Variants in MGA observed in about 807,000 individuals in gnomAD.
The protein encoded by MGA is MAX gene-associated protein.
Under a neutral mutation model 261.1 loss-of-function variants are expected in MGA, and 40 were observed. That is an observed-to-expected ratio of 0.15 (90% CI 0.12 to 0.20). The LOEUF is 0.20. Among genes scored for constraint, MGA ranks in the 10% least tolerant of loss-of-function variants. MGA has a pLI of 1.00. For synonymous variants in MGA, 1,302 were observed against 1,290.6 expected (o/e 1.01, Z -0.19); for missense variants, 3,397 against 3,630.5 (o/e 0.94, Z 1.65).
At chr15:41,666,670 C>A (rs2057758052) in intron 1 of MGA, among the ~76,000 whole-genome samples, 1 of 152,172 alleles carries the variant, frequency 6.6e-6, no homozygotes, top group Non-Finnish European at 1.5e-5. Context: ...CTTGTAGATA[C>A]TTTTTGCATG....
chr15:41,765,348 G>A (rs1464757311), intron 23 of MGA, among the ~76,000 whole-genome samples: 1 of 152,320 alleles, frequency 6.6e-6, no homozygotes, highest in East Asian at 1.9e-4. Flanking sequence ...AATGATCATG[G>A]TCTTAGGTCT....
chr15:41,750,062 C>T lies in MGA; in HGVS notation c.6455C>T (p.Ser2152Phe), dbSNP rs1388992301. The T allele has an allele frequency of 6.2e-7, 1 of 1,613,360 alleles. No individual in the cohort carries two copies. Residue 2152 changes from serine (S) to phenylalanine (F), a missense_variant, in exon 17 of 24, where the codon TCT becomes TTT. Physicochemically the swap from Ser to Phe is radical, Grantham distance 155. Transcript: ENST00000219905. ...GGAAGCAAAGTTATGGAGCAGCAAT[C>T]TAATCTACAGCCAGAGGCCAAAGAG... is the stretch of plus-strand genomic sequence containing the variant.
At chr15:41,648,217 A>G (rs1369608135) in intron 1 of MGA, among the ~76,000 whole-genome samples, 1 of 152,256 alleles carries the variant, frequency 6.6e-6, no homozygotes, top group Non-Finnish European at 1.5e-5. Flanking sequence ...AGCTTACTCT[A>G]TAGCATAGTC....
At chr15:41,717,525 G>A (rs1001444638) in intron 9 of MGA, among the ~76,000 whole-genome samples, 1 of 152,126 alleles carries the variant, frequency 6.6e-6, no homozygotes, top group East Asian at 1.9e-4. Context: ...GGAGAACTCA[G>A]ATGAAATGGA....
chr15:41,636,533 T>C (rs1199307646), intron 1 of MGA, among the ~76,000 whole-genome samples: 1 of 150,382 alleles, frequency 6.6e-6, no homozygotes, highest in East Asian at 2.0e-4. Context: ...GGATCTCGGC[T>C]CACTGCAACC....
chr15:41,649,790 C>T (rs909822231), intron 1 of MGA, among the ~76,000 whole-genome samples: 5 of 152,314 alleles, frequency 3.3e-5, no homozygotes, highest in African/African-American at 1.2e-4. Context: ...AGTGATTCTC[C>T]TGCCTCAGCC....
rs1490936116 is a variant in MGA, at chr15:41,711,332, A to G, written c.3067A>G (p.Thr1023Ala). 1 of 1,602,468 alleles carries G rather than the reference A, an allele frequency of 6.2e-7. No homozygotes were observed. Among genetic ancestry groups the G allele is most frequent in the African/African-American group, 1.3e-5 (1 of 74,460 alleles). ...AGAGCGAGCAGATGTATCCTTAACA[A>G]CTCTACTTACAGCTCAAGTAAGTAG... is the stretch of plus-strand genomic sequence containing the variant. Residue 1023 changes from threonine to alanine, a missense_variant, in exon 8 of 24, where the codon ACT (threonine) becomes GCT (alanine). By Grantham distance (58) the Thr-to-Ala change is moderately conservative (BLOSUM62 0). Transcript: ENST00000219905.
At chr15:41,701,283 T>C (rs543517139) in intron 5 of MGA, among the ~76,000 whole-genome samples, 1 of 152,296 alleles carries the variant, frequency 6.6e-6, no homozygotes, top group South Asian at 2.1e-4. Flanking sequence ...TGTAGAAATA[T>C]TATGACATTT....
At chr15:41,622,994 T>C (rs2056346132) in intron 1 of MGA, among the ~76,000 whole-genome samples, 1 of 152,250 alleles carries the variant, frequency 6.6e-6, no homozygotes, top group Non-Finnish European at 1.5e-5. Context: ...AATAGTTATC[T>C]TTCTGGCTTG....
intron 1 of MGA, among the ~76,000 whole-genome samples, chr15:41,642,018 G>A (rs770645391): frequency 2.0e-5 from 3 of 151,978 alleles, no homozygotes; most frequent in African/African-American, 7.3e-5. Context: ...CTGGTCTCCC[G>A]CTGAATTCCT....
At chr15:41,657,339 CTTTTTTTTTTTTTTTTTTTTTT>C (rs373920516), upstream of MGA, among the ~76,000 whole-genome samples, 1 of 106,910 alleles carries the variant, frequency 9.4e-6, no homozygotes, top group Non-Finnish European at 1.8e-5. Flanking sequence ...AGTGAAGGCC[CTTTTTTTTTTTTTTTTTTTTTT>C]TTTTTTTTTT....
chr15:41,754,160 T>TC (rs892908174), intron 17 of MGA, among the ~76,000 whole-genome samples: 1 of 152,156 alleles, frequency 6.6e-6, no homozygotes, highest in Non-Finnish European at 1.5e-5. Flanking sequence ...CTCAAAACGA[T>TC]CCACCTGCCT....
intron 8 of MGA, among the ~76,000 whole-genome samples, chr15:41,712,893 G>A (rs1187275548): frequency 3.3e-5 from 5 of 152,082 alleles, no homozygotes; most frequent in Admixed American, 6.6e-5. Flanking sequence ...TAATCTTTGC[G>A]TTAGAACATT....
chr15:41,643,079 A>AT (rs945263427), intron 1 of MGA, among the ~76,000 whole-genome samples: 115 of 140,388 alleles, frequency 8.2e-4, no homozygotes, highest in Admixed American at 2.0e-3. Context: ...ATTATTTTTT[A>AT]TTTTTTTTTT....
chr15:41,741,220 G>C (rs1242941096), intron 14 of MGA, among the ~76,000 whole-genome samples: 1 of 151,836 alleles, frequency 6.6e-6, no homozygotes, highest in Non-Finnish European at 1.5e-5. Context: ...GGTGGCATGC[G>C]CCTGTAGTCC....
chr15:41,757,875 A>G lies in MGA; in HGVS notation c.7191+36A>G, dbSNP rs1422500445. ...TATATTTAGTGATAATTACTCATTGAATAAAATTGTTAACATTTATCTTAG... is the reference window on the plus strand; with the variant it reads ...TATATTTAGTGATAATTACTCATTGGATAAAATTGTTAACATTTATCTTAG... On this transcript the variant is annotated intron_variant, in intron 19 of 23. Coordinates refer to ENST00000219905, the MANE Select transcript of MGA (RefSeq NM_001164273.2). The G allele has an allele frequency of 2.6e-6, 4 of 1,526,228 alleles. No individual in the cohort carries two copies. The African/African-American group carries it at 5.5e-5, about 21-fold the overall frequency. 94.5% of individuals were successfully genotyped at this position (1,526,228 alleles called of 1,614,324 possible). A position where few individuals can be genotyped will look rare whatever the true frequency, so the allele number is the denominator to read the frequency against.
rs147486130 is a variant in MGA at position 41,765,962 on chromosome 15, A to G, written c.7922-42A>G. Reference sequence around the variant, plus strand: ...AGAGAGAAAGAGAGGTGTTAACACTAGATCTAAATGAATTTTTCTTTTTTT... The same window carrying G: ...AGAGAGAAAGAGAGGTGTTAACACTGGATCTAAATGAATTTTTCTTTTTTT... On this transcript the variant is annotated intron_variant, in intron 23 of 23. Coordinates refer to ENST00000219905, the MANE Select transcript of MGA (RefSeq NM_001164273.2). 2.0e-6 allele frequency: 3 copies of G among 1,516,686 alleles called. No individual in the cohort carries two copies. The African/African-American group carries it at 4.1e-5, about 21-fold the overall frequency. 94.0% of individuals were successfully genotyped at this position (1,516,686 alleles called of 1,614,324 possible).
chr15:41,701,975 C>G (rs187390261), intron 5 of MGA, among the ~76,000 whole-genome samples: 115 of 150,908 alleles, frequency 7.6e-4, no homozygotes, highest in African/African-American at 2.6e-3. Flanking sequence ...GGTTTTTTTT[C>G]CTCTATTTTA....
At chr15:41,637,379 T>G (rs1043391709) in intron 1 of MGA, among the ~76,000 whole-genome samples, 2 of 152,222 alleles carry the variant, frequency 1.3e-5, no homozygotes, top group African/African-American at 4.8e-5. Context: ...GCAAGTTGTT[T>G]TGGTACTGAA....
Sources: allele counts gnomAD v4.1 joint callset (sites outside exome capture counted in the v4.1 genomes callset), GRCh38; gene constraint gnomAD v4.1.1; transcripts MANE v1.5; gene names NCBI Gene and HGNC (gene_info 2026-07-23, HGNC 2026-07-21).